RTKN2: variants seen among roughly 807,000 people sequenced by gnomAD.
RTKN2 encodes the protein rhotekin-2.
RTKN2 carries 69 observed loss-of-function variants against 71.5 expected under a neutral mutation model. That is an observed-to-expected ratio of 0.96 (90% confidence interval 0.79 to 1.18). The LOEUF (loss-of-function observed/expected upper bound fraction) is 1.18. Among genes scored for constraint, RTKN2 ranks in the 50% most tolerant of loss-of-function variants. RTKN2 has a pLI of 0.00. For synonymous variants in RTKN2, 236 were observed against 236.5 expected (o/e 1.00, Z 0.02); for missense variants, 724 against 719.7 (o/e 1.01, Z -0.07).
At chr10:62,211,602 C>T (rs1841659725) in intron 9 of RTKN2, among the ~76,000 whole-genome samples, 1 of 152,126 alleles carries the variant, frequency 6.6e-6, no homozygotes, top group Non-Finnish European at 1.5e-5. Flanking sequence ...TAATGTTTAA[C>T]ATTATTAAGC....
At chr10:62,188,874 A>C (rs1417025278), downstream of RTKN2, among the ~76,000 whole-genome samples, 2 of 151,764 alleles carry the variant, frequency 1.3e-5, no homozygotes, top group Non-Finnish European at 2.9e-5. Context: ...CAGCCTCCTG[A>C]GTAGCTGGGA....
intron 1 of RTKN2, among the ~76,000 whole-genome samples, chr10:62,265,445 A>G (rs1006001386): frequency 2.0e-5 from 3 of 152,198 alleles, no homozygotes; most frequent in African/African-American, 7.2e-5. Flanking sequence ...CATACACAGT[A>G]AACTATAATC....
intron 5 of RTKN2, 173 bp downstream of exon 5, chr10:62,239,475 T>TA (rs1294422062): frequency 4.7e-6 from 2 of 421,454 alleles, no homozygotes; most frequent in Non-Finnish European, 8.4e-6. Flanking sequence ...AAACTGCAGA[T>TA]AGAGAAATGG....
downstream of RTKN2, among the ~76,000 whole-genome samples, chr10:62,192,513 C>T (rs1481353937): frequency 1.3e-5 from 2 of 152,108 alleles, no homozygotes; most frequent in African/African-American, 2.4e-5. Context: ...AAGTGATTTC[C>T]GAATCAGCTG....
rs375788383 is a variant in RTKN2 at position 62,268,583 on chromosome 10, C to G, written c.28G>C (p.Ala10Pro). 1 of 1,565,552 alleles carries G rather than the reference C, an allele frequency of 6.4e-7. No individual in the cohort carries two copies. Among genetic ancestry groups the G allele is most frequent in the Admixed American group, 1.9e-5 (1 of 53,016 alleles). The change falls in exon 1 of 12, where the codon GCG (alanine) becomes CCG (proline). Residue 10 changes from alanine (A) to proline (P), a missense_variant. Coordinates refer to ENST00000373789, the MANE Select transcript of RTKN2 (RefSeq NM_145307.4). MEGPSLRGP[A>P]LRLAGLPTQQ... ...GTGGGAAGCCCCGCCAGGCGGAGCGCAGGACCCCTCAGGCTCGGCCCCTCC... is the reference window on the plus strand; with the variant it reads ...GTGGGAAGCCCCGCCAGGCGGAGCGGAGGACCCCTCAGGCTCGGCCCCTCC...
intron 2 of RTKN2, among the ~76,000 whole-genome samples, chr10:62,248,969 TA>T (rs1369552372): frequency 3.9e-5 from 6 of 152,310 alleles, no homozygotes; most frequent in African/African-American, 1.4e-4. Context: ...TACAAATAAG[TA>T]AAAATTAAAA....
intron 6 of RTKN2, among the ~76,000 whole-genome samples, chr10:62,225,155 T>C (rs1284426811): frequency 6.6e-6 from 1 of 152,240 alleles, no homozygotes; most frequent in Non-Finnish European, 1.5e-5. Context: ...CCCTAAGATG[T>C]CTTCTTAAAG....
chr10:62,202,084 C>T (rs1389604948), intron 10 of RTKN2, among the ~76,000 whole-genome samples: 2 of 151,984 alleles, frequency 1.3e-5, no homozygotes, highest in South Asian at 2.1e-4. Flanking sequence ...CCAAATCTAC[C>T]TTAATTTTCT....
intron 5 of RTKN2, among the ~76,000 whole-genome samples, chr10:62,236,640 G>C (rs1842265075): frequency 6.6e-6 from 1 of 151,956 alleles, no homozygotes; most frequent in Admixed American, 6.6e-5. Flanking sequence ...CCTGTTCATT[G>C]CAGCATTATT....
chr10:62,186,727 C>G (rs1019629835), intron 8 of RTKN2, among the ~76,000 whole-genome samples: 2 of 150,256 alleles, frequency 1.3e-5, no homozygotes, highest in Admixed American at 1.3e-4. Context: ...TATTTTACTG[C>G]TGGTTACTGG....
intron 2 of RTKN2, among the ~76,000 whole-genome samples, chr10:62,248,491 A>G (rs1321239886): frequency 1.3e-5 from 2 of 152,170 alleles, no homozygotes; most frequent in Admixed American, 1.3e-4. Flanking sequence ...TGAATGCTAG[A>G]ATTAGAGAGC....
chr10:62,198,570 G>T, intron 11 of RTKN2, 127 bp from the exon 12 acceptor site: 1 of 682,238 alleles, frequency 1.5e-6, no homozygotes, highest in Non-Finnish European at 2.2e-6. Flanking sequence ...TAAGGAAAAC[G>T]TTCACTTGTA....
chr10:62,264,868 T>G (rs1236540854), intron 1 of RTKN2, among the ~76,000 whole-genome samples: 1 of 151,916 alleles, frequency 6.6e-6, no homozygotes, highest in African/African-American at 2.4e-5. Context: ...CCTCTGGTGA[T>G]TCAATGGTCA....
chr10:62,247,168 T>A (rs1352466946), intron 2 of RTKN2, among the ~76,000 whole-genome samples: 1 of 151,996 alleles, frequency 6.6e-6, no homozygotes, highest in African/African-American at 2.4e-5. Flanking sequence ...TTTATCTAAG[T>A]AATTTTTGGA....
downstream of RTKN2, among the ~76,000 whole-genome samples, chr10:62,191,185 A>G (rs1311570544): frequency 2.6e-5 from 4 of 152,306 alleles, no homozygotes; most frequent in South Asian, 4.1e-4. Context: ...AGGCTGGAGT[A>G]CAGTGACTCG....
intron 6 of RTKN2, among the ~76,000 whole-genome samples, chr10:62,224,679 A>C (rs920574941): frequency 1.8e-4 from 28 of 152,272 alleles, no homozygotes; most frequent in African/African-American, 6.7e-4. Context: ...GAGATGAGAA[A>C]ACTGAGGACC....
chr10:62,248,172 T>G (rs1198522646), intron 2 of RTKN2, among the ~76,000 whole-genome samples: 1 of 152,134 alleles, frequency 6.6e-6, no homozygotes, highest in Non-Finnish European at 1.5e-5. Context: ...GCAAACTTAG[T>G]ATACACAAAT....
chr10:62,232,315 C>CTTT (rs56139482), intron 6 of RTKN2, among the ~76,000 whole-genome samples: 1 of 117,158 alleles, frequency 8.5e-6, no homozygotes, highest in Admixed American at 8.7e-5. Context: ...TTCTTTCTTT[C>CTTT]TTTTTTTTTT....
chr10:62,216,664 T>A (rs61850829), intron 9 of RTKN2, among the ~76,000 whole-genome samples: 13,261 of 152,096 alleles, frequency 0.087, 775 homozygotes, highest in South Asian at 0.25. Context: ...AAATGGACTG[T>A]CAGGCTTTTC....
Sources: gnomAD v4.1 joint callset for allele counts (sites outside exome capture counted in the v4.1 genomes callset) on GRCh38, gnomAD v4.1.1 for gene constraint, MANE v1.5 for transcripts, NCBI Gene and HGNC (gene_info 2026-07-23, HGNC 2026-07-21) for gene names.